SNAI3: variants seen among roughly 807,000 people sequenced by gnomAD.
SNAI3 encodes snail family transcriptional repressor 3.
In SNAI3, 21 loss-of-function variants were observed where a neutral mutation model predicts 16.4. That is an observed-to-expected ratio of 1.28 (90% CI 0.91 to 1.85). The LOEUF (loss-of-function observed/expected upper bound fraction) is 1.85, where lower values mean the gene tolerates loss of function less well. Among genes scored for constraint, SNAI3 ranks in the 40% most tolerant of loss-of-function variants. SNAI3 has a pLI of 0.00. For synonymous variants in SNAI3, 202 were observed against 166.6 expected (o/e 1.21, Z -1.64); for missense variants, 457 against 372.8 (o/e 1.23, Z -1.86).
At chr16:88,684,547 G>A (rs751257373) in intron 1 of SNAI3, among the ~76,000 whole-genome samples, 3 of 152,230 alleles carry the variant, frequency 2.0e-5, no homozygotes, top group Non-Finnish European at 4.4e-5. Context: ...CCAGGTTGGA[G>A]TGCAGGGGCG....
At chr16:88,684,479 T>G (rs1909287511) in intron 1 of SNAI3, among the ~76,000 whole-genome samples, 1 of 152,194 alleles carries the variant, frequency 6.6e-6, no homozygotes, top group Admixed American at 6.5e-5. Flanking sequence ...GTCCAGATCC[T>G]GGGGAGAAGA....
intron 2 of SNAI3, among the ~76,000 whole-genome samples, chr16:88,679,307 T>G (rs1406247261): frequency 2.0e-5 from 3 of 151,744 alleles, no homozygotes; most frequent in Non-Finnish European, 4.4e-5. Flanking sequence ...GGAAAGGGGG[T>G]GTGTGGGGGG....
rs558945025 is a variant in SNAI3, at chr16:88,681,045, C to A, written c.697+49G>T. On this transcript the variant is annotated intron_variant, in intron 2 of 2. Coordinates refer to ENST00000332281, the MANE Select transcript of SNAI3 (RefSeq NM_178310.4). The surrounding 1 kb of genome is among the most constrained non-coding windows in gnomAD (Gnocchi z 5.4). Reference sequence around the variant, plus strand: ...TCCTTTTCTAACTCCCGCAGCCCACCCTCTTCCCCCAGCCCAGACCGTCCT... The same window carrying A: ...TCCTTTTCTAACTCCCGCAGCCCACACTCTTCCCCCAGCCCAGACCGTCCT... The A allele has an allele frequency of 6.4e-7, 1 of 1,573,574 alleles. No homozygotes were observed. Among genetic ancestry groups the A allele is most frequent in the South Asian group, 1.1e-5 (1 of 88,344 alleles).
Position 88,678,036 on chromosome 16 carries a change from G to A in SNAI3, c.*412C>T, listed in dbSNP as rs564239207. 1 of 181,472 alleles carries A rather than the reference G, an allele frequency of 5.5e-6. No homozygotes were observed. The highest frequency in any genetic ancestry group is 2.4e-5 in the African/African-American group (1 of 42,244). 11.2% of individuals were successfully genotyped at this position (181,472 alleles called of 1,614,324 possible). Reference sequence around the variant, plus strand: ...GGCCACAGGGCGGTGCTCACTATAAGTCAGAACTGTTCATTTCTGCTGCAA... The same window carrying A: ...GGCCACAGGGCGGTGCTCACTATAAATCAGAACTGTTCATTTCTGCTGCAA... On this transcript the variant is annotated 3_prime_UTR_variant, in exon 3 of 3. Transcript: ENST00000332281.
chr16:88,679,658 A>T (rs1381160203), intron 2 of SNAI3, among the ~76,000 whole-genome samples: 1 of 146,658 alleles, frequency 6.8e-6, no homozygotes, highest in East Asian at 2.2e-4. Context: ...GCTACTCGGG[A>T]GGCTGAGGCA....
intron 2 of SNAI3, chr16:88,678,874 G>A: frequency 2.0e-6 from 2 of 985,450 alleles, no homozygotes; most frequent in South Asian, 4.7e-5. Flanking sequence ...GGGGCCCTTG[G>A]CCACTGGGAG....
intron 1 of SNAI3, chr16:88,685,454 A>C (rs1469116861): frequency 6.6e-6 from 1 of 152,116 alleles, no homozygotes; most frequent in African/African-American, 2.4e-5. Context: ...GCTCTCCCCC[A>C]CCGGCCACAG....
At chr16:88,682,417 G>T (rs963796628) in intron 1 of SNAI3, among the ~76,000 whole-genome samples, 2 of 152,256 alleles carry the variant, frequency 1.3e-5, no homozygotes, top group Non-Finnish European at 2.9e-5. Flanking sequence ...CTATCTGGGG[G>T]CTGGCACACT....
chr16:88,685,293 C>T (rs1368159114), intron 1 of SNAI3: 1 of 152,244 alleles, frequency 6.6e-6, no homozygotes, highest in Non-Finnish European at 1.5e-5. Flanking sequence ...ATTTGAAAAG[C>T]ATGGTCCTAG....
intron 1 of SNAI3, chr16:88,685,429 A>G (rs1318979612): frequency 6.6e-6 from 1 of 152,242 alleles, no homozygotes; most frequent in African/African-American, 2.4e-5. Context: ...CCACAGCCCC[A>G]ACAGCGCCCT....
chr16:88,679,114 TCA>T lies in SNAI3; in HGVS notation c.698-487_698-486del. 3 of 984,910 alleles carry T rather than the reference TCA, an allele frequency of 3.0e-6. No individual in the cohort carries two copies. In the African/African-American group the frequency reaches 5.2e-5, roughly 17 times the overall value. The allele number at this position is 984,910 out of a possible 1,614,324, so 61.0% of individuals were successfully genotyped here. On this transcript the variant is annotated intron_variant, in intron 2 of 2. Transcript: ENST00000332281. ...GGAAGTGTGACTGGGAATCGTTTGTTCATTCCTGTAGCCCCATAGAGTCCTGA... is the reference window on the plus strand; with the variant it reads ...GGAAGTGTGACTGGGAATCGTTTGTTTTCCTGTAGCCCCATAGAGTCCTGA...
At position 88,678,600 on chromosome 16, in the gene SNAI3, T is replaced by C. The variant is rs762818461; in HGVS notation, c.727A>G (p.Ser243Gly). 1 of 1,103,148 alleles carries C rather than the reference T, an allele frequency of 9.1e-7. No individual in the cohort carries two copies. Among genetic ancestry groups the C allele is most frequent in the Admixed American group, 1.7e-5 (1 of 59,382 alleles). The allele number at this position is 1,103,148 out of a possible 1,614,324, so 68.3% of individuals were successfully genotyped here. A position where few individuals can be genotyped will look rare whatever the true frequency, so the allele number is the denominator to read the frequency against. The change falls in exon 3 of 3, where the codon AGC (serine) becomes GGC (glycine). Residue 243 changes from serine to glycine, a missense_variant. Transcript: ENST00000332281. Reference protein sequence around the residue: ...GEKPYACSHCSRAFADRSNLR... With the variant: ...GEKPYACSHCGRAFADRSNLR... ...TTGGAGCGGTCGGCAAAGGCCCTGC[T>C]GCAGTGCGAGCAGGCATAGGGCTTC...
intron 1 of SNAI3, among the ~76,000 whole-genome samples, chr16:88,683,108 C>T (rs1909236365): frequency 1.8e-5 from 2 of 108,430 alleles, no homozygotes; most frequent in Admixed American, 1.2e-4. Context: ...TTTTTTGAGA[C>T]AGAGTCTTGC....
Position 88,686,331 on chromosome 16 carries a change from C to A in SNAI3, c.76G>T (p.Glu26Ter). 1.2e-6 allele frequency: 2 copies of A among 1,611,106 alleles called. No homozygotes were observed. The highest frequency in any genetic ancestry group is 8.5e-7 in the Non-Finnish European group (1 of 1,179,318). The change falls in exon 1 of 3, where the codon GAA becomes TAA. Residue 26 changes from glutamate (E) to a stop codon, truncating the protein, a stop_gained and splice_region_variant. Transcript: ENST00000332281. LOFTEE classifies it high-confidence loss of function. Reference sequence around the variant, plus strand: ...GGCTCGGGGATCGGGTAGTCAGTACCTCTCTGCGTCTCCAGCCGCCGGTAG... The same window carrying A: ...GGCTCGGGGATCGGGTAGTCAGTACATCTCTGCGTCTCCAGCCGCCGGTAG... ...PNYRRLETQR[E>*]INGACSACGG...
rs560411217 is a variant in SNAI3 at position 88,680,275 on chromosome 16, A to ATTTTTTTTTTT, written c.697+808_697+818dup. Among the ~76,000 whole-genome samples the ATTTTTTTTTTT allele has an allele frequency of 5.4e-4, 30 of 55,102 alleles. 2 individuals carry two copies. The highest frequency in any genetic ancestry group is 1.2e-3 in the East Asian group (2 of 1,640). 36.1% of individuals were successfully genotyped at this position (55,102 alleles called of 152,430 possible). On this transcript the variant is annotated intron_variant, in intron 2 of 2. Transcript: ENST00000332281. ...GTACTTTAATGGCATTATGTTTTTG[A>ATTTTTTTTTTT]TTTTTTTTTTTTTTTTTTTTTTTTT...
In SNAI3 at chr16:88,678,515, G is replaced by T. The variant is rs774635538; in HGVS notation, c.812C>A (p.Thr271Asn). ...GAGGGACATGCGGGAGAAGGTCTTG[G>T]TGCAGCGCCGGCACCGGTACTTCTT... Reference protein sequence around the residue: ...DAKKYRCRRCTKTFSRMSLLA... With the variant: ...DAKKYRCRRCNKTFSRMSLLA... Residue 271 changes from threonine (T) to asparagine (N), a missense_variant, in exon 3 of 3, where the codon ACC becomes AAC. Thr to Asn is a moderately conservative substitution (Grantham distance 65). Coordinates refer to ENST00000332281, the MANE Select transcript of SNAI3 (RefSeq NM_178310.4). The T allele has an allele frequency of 1.5e-5, 12 of 787,644 alleles. No individual in the cohort carries two copies. Among genetic ancestry groups the T allele is most frequent in the Non-Finnish European group, 2.3e-5 (10 of 426,784 alleles). 48.8% of individuals were successfully genotyped at this position (787,644 alleles called of 1,614,324 possible).
chr16:88,678,227 C>CA lies in SNAI3; in HGVS notation c.*220_*221insT. On this transcript the variant is annotated 3_prime_UTR_variant, in exon 3 of 3. Coordinates refer to ENST00000332281, the MANE Select transcript of SNAI3 (RefSeq NM_178310.4). ...AAAGCCTTCCCCGGGAGAGGAGTCT[C>CA]CTCTGAGTGGGCTCCGCGCGGTGGG... is the stretch of plus-strand genomic sequence containing the variant. 7.6e-6 allele frequency: 4 copies of CA among 525,014 alleles called. No individual in the cohort carries two copies. In the South Asian group the frequency reaches 1.0e-4, roughly 13 times the overall value. 32.5% of individuals were successfully genotyped at this position (525,014 alleles called of 1,614,324 possible). A position where few individuals can be genotyped will look rare whatever the true frequency, so the allele number is the denominator to read the frequency against.
chr16:88,681,619 G>C lies in SNAI3; in HGVS notation c.172C>G (p.Pro58Ala). The change falls in exon 2 of 3, where the codon CCC becomes GCC. Residue 58 changes from proline (P) to alanine (A), a missense_variant. Physicochemically the swap from Pro to Ala is conservative, Grantham distance 27. Coordinates refer to ENST00000332281, the MANE Select transcript of SNAI3 (RefSeq NM_178310.4). This position sits in a 1 kb window ranked among gnomAD's most constrained non-coding sequence, Gnocchi z 5.4. Reference protein sequence around the residue: ...APSVPGDLPQPWDRSSAVACI... With the variant: ...APSVPGDLPQAWDRSSAVACI... ...GCGACGGCCGAGGAGCGGTCCCAGG[G>C]CTGGGGAAGGTCACCGGGCACAGAA... 1.3e-6 allele frequency: 2 copies of C among 1,488,344 alleles called. No individual in the cohort carries two copies. The highest frequency in any genetic ancestry group is 1.4e-5 in the South Asian group (1 of 70,562). The allele number at this position is 1,488,344 out of a possible 1,614,324, so 92.2% of individuals were successfully genotyped here. A position where few individuals can be genotyped will look rare whatever the true frequency, so the allele number is the denominator to read the frequency against.
intron 2 of SNAI3, chr16:88,679,023 C>T: frequency 4.1e-6 from 4 of 985,478 alleles, no homozygotes; most frequent in Non-Finnish European, 4.8e-6. Flanking sequence ...TAGGAACCAC[C>T]TCCCATCAGG....
Sources: allele counts gnomAD v4.1 joint callset (sites outside exome capture counted in the v4.1 genomes callset), GRCh38; gene constraint gnomAD v4.1.1; non-coding constraint Gnocchi (gnomAD v3.1); transcripts MANE v1.5; gene names NCBI Gene and HGNC (gene_info 2026-07-23, HGNC 2026-07-21).